The following TTC19 variants were observed in gnomAD, a reference collection of about 807,000 sequenced individuals.
The protein encoded by TTC19 is tetratricopeptide repeat domain 19.
TTC19 carries 38 observed loss-of-function variants against 49.5 expected under a neutral mutation model. The ratio of observed to expected loss-of-function variants is 0.77; its 90% confidence interval spans 0.59 to 1.01. TTC19 has a LOEUF of 1.01. TTC19 is among the 50% of genes least tolerant of loss of function. The probability of loss-of-function intolerance (pLI) is 0.00; values close to 1 mark genes in which losing one functional copy is unlikely to be tolerated. For synonymous variants in TTC19, 204 were observed against 185.2 expected (o/e 1.10, Z -0.83); for missense variants, 475 against 477.7 (o/e 0.99, Z 0.05).
intron 7 of TTC19, among the ~76,000 whole-genome samples, chr17:16,009,623 T>A (rs1219861821): frequency 1.3e-5 from 2 of 152,186 alleles, no homozygotes; most frequent in Non-Finnish European, 1.5e-5. Flanking sequence ...CTTCATCTTA[T>A]TTTTTCTAGA....
chr17:16,041,235 G>C (rs989038378), intron 2 of TTC19: 2 of 152,140 alleles, frequency 1.3e-5, no homozygotes, highest in African/African-American at 4.8e-5. Context: ...AACAGCATAA[G>C]ACCTGGGAAC....
chr17:16,034,135 A>C (rs1436398763), downstream of TTC19, among the ~76,000 whole-genome samples: 2 of 152,250 alleles, frequency 1.3e-5, no homozygotes, highest in African/African-American at 2.4e-5. Flanking sequence ...TACAGTTCTC[A>C]AAAGAACTAA....
At chr17:16,024,639 T>C in intron 7 of TTC19, 1 of 287,634 alleles carries the variant, frequency 3.5e-6, no homozygotes, top group East Asian at 1.0e-4. Flanking sequence ...GCTTGTGACT[T>C]TGCACTTCAG....
chr17:16,009,598 ATG>A (rs1287378398), intron 7 of TTC19, among the ~76,000 whole-genome samples: 1 of 152,184 alleles, frequency 6.6e-6, no homozygotes, highest in Non-Finnish European at 1.5e-5. Context: ...AGTATAGAAA[ATG>A]TGTTACATGA....
downstream of TTC19, chr17:16,031,602 GA>G (rs984623762): frequency 3.0e-3 from 598 of 202,048 alleles, 1 homozygote; most frequent in East Asian, 0.012. Context: ...TGCTACTAAT[GA>G]AAAAAAAAAA....
At chr17:16,039,632 A>C (rs2151988434) in intron 2 of TTC19, 1 of 1,614,054 alleles carries the variant, frequency 6.2e-7, no homozygotes, top group South Asian at 1.1e-5. Context: ...CAGCAAAAGA[A>C]TGGCCTCTAG....
chr17:16,039,769 C>T, intron 2 of TTC19: 1 of 916,786 alleles, frequency 1.1e-6, no homozygotes, highest in South Asian at 1.6e-5. Context: ...TGACCTAGAA[C>T]AATACCAGGA....
intron 6 of TTC19, among the ~76,000 whole-genome samples, chr17:16,005,833 A>G (rs1970891030): frequency 6.6e-6 from 1 of 152,202 alleles, no homozygotes; most frequent in Non-Finnish European, 1.5e-5. Context: ...TACTTTGAAC[A>G]GGGGTAAGGC....
At position 16,000,128 on chromosome 17, in the gene TTC19, G is replaced by T. The variant is rs770151321; in HGVS notation, c.195G>T (p.Trp65Cys). Residue 65 changes from tryptophan to cysteine, a missense_variant, in exon 2 of 10, where the codon TGG becomes TGT. Coordinates refer to ENST00000261647, the MANE Select transcript of TTC19 (RefSeq NM_017775.4). ...GLLPLLAALAWFSRPAAAEEE... is the reference protein window; with the variant it reads ...GLLPLLAALACFSRPAAAEEE... ...AGCCCCTTCCCGCAGCGCTCGCCTG[G>T]TTCTCGAGGCCCGCTGCGGCAGAGG... The T allele has an allele frequency of 6.4e-7, 1 of 1,568,750 alleles. No homozygotes were observed. Among genetic ancestry groups the T allele is most frequent in the Non-Finnish European group, 8.6e-7 (1 of 1,165,680 alleles).
At chr17:16,021,752 T>C (rs1971391496) in intron 7 of TTC19, among the ~76,000 whole-genome samples, 1 of 152,188 alleles carries the variant, frequency 6.6e-6, no homozygotes, top group Admixed American at 6.5e-5. Context: ...TTCTAAAATT[T>C]TGGGGGATGA....
At chr17:16,036,821 T>C (rs1485919471) in intron 2 of TTC19, among the ~76,000 whole-genome samples, 1 of 152,240 alleles carries the variant, frequency 6.6e-6, no homozygotes, top group East Asian at 1.9e-4. Context: ...TAAAATCTTC[T>C]GTGTGTCACG....
chr17:16,016,552 A>ATT (rs769994419), intron 7 of TTC19, among the ~76,000 whole-genome samples: 1,981 of 93,872 alleles, frequency 0.021, 61 homozygotes, highest in African/African-American at 0.075. Flanking sequence ...AGTTGTTCTA[A>ATT]TTTTTTTTTT....
At chr17:16,014,729 A>G (rs918889582) in intron 7 of TTC19, among the ~76,000 whole-genome samples, 4 of 152,158 alleles carry the variant, frequency 2.6e-5, no homozygotes, top group Non-Finnish European at 5.9e-5. Flanking sequence ...AATCTGAAAC[A>G]CTTTTGGTCC....
chr17:16,026,328 T>C (rs1033207116), intron 8 of TTC19, among the ~76,000 whole-genome samples: 1 of 152,212 alleles, frequency 6.6e-6, no homozygotes, highest in Non-Finnish European at 1.5e-5. Context: ...AGATTTGTAT[T>C]ATTTCCCAAA....
chr17:16,032,386 T>C, downstream of TTC19: 1 of 1,614,174 alleles, frequency 6.2e-7, no homozygotes, highest in South Asian at 1.1e-5. Context: ...GGTGAGGAGC[T>C]GCTTGGTTCA....
At chr17:16,014,042 A>C (rs977826127) in intron 7 of TTC19, among the ~76,000 whole-genome samples, 3 of 152,140 alleles carry the variant, frequency 2.0e-5, no homozygotes, top group Non-Finnish European at 2.9e-5. Context: ...ATCCTTCCTC[A>C]CTCATGTATT....
At chr17:16,004,035 T>C (rs765956890) in intron 5 of TTC19, 148 bp downstream of exon 5, 4 of 1,137,654 alleles carry the variant, frequency 3.5e-6, no homozygotes, top group East Asian at 2.4e-5. Flanking sequence ...TGCCATTCTT[T>C]CACTAAATGC....
chr17:16,007,541 C>T (rs1423604185), intron 7 of TTC19, among the ~76,000 whole-genome samples: 1 of 152,096 alleles, frequency 6.6e-6, no homozygotes, highest in Non-Finnish European at 1.5e-5. Flanking sequence ...ATTCAAATTG[C>T]CAGTATCACC....
Position 16,026,535 on chromosome 17 carries a change from TACAG to T in TTC19, c.832-2_833del. On this transcript the variant is annotated splice_acceptor_variant and splice_polypyrimidine_tract_variant and intron_variant, in intron 8 of 9. Transcript: ENST00000261647. LOFTEE classifies it high-confidence loss of function. ...AGAAAAAATTGTTTTTTCTTTTACA[TACAG>T]ACCATTGTGCTGATGAGTGACCTGG... is the stretch of plus-strand genomic sequence containing the variant. The T allele has an allele frequency of 1.2e-6, 2 of 1,614,092 alleles. No homozygotes were observed. The highest frequency in any genetic ancestry group is 1.7e-6 in the Non-Finnish European group (2 of 1,179,954).
Sources: allele counts gnomAD v4.1 joint callset (sites outside exome capture counted in the v4.1 genomes callset), GRCh38; gene constraint gnomAD v4.1.1; transcripts MANE v1.5; gene names NCBI Gene and HGNC (gene_info 2026-07-23, HGNC 2026-07-21).